Variants in GRM4 observed in about 807,000 individuals in gnomAD.
GRM4 encodes metabotropic glutamate receptor 4.
Under a neutral mutation model 81.7 loss-of-function variants are expected in GRM4, and 28 were observed. That is an observed-to-expected ratio of 0.34 (90% CI 0.25 to 0.47). The LOEUF (loss-of-function observed/expected upper bound fraction) is 0.47, where lower values mean the gene tolerates loss of function less well. Among genes scored for constraint, GRM4 ranks in the 20% least tolerant of loss-of-function variants. The probability of loss-of-function intolerance (pLI) is 1.00; values close to 1 mark genes in which losing one functional copy is unlikely to be tolerated. For missense variants in GRM4, 948 were observed against 1,290.0 expected (o/e 0.73, Z 4.06); for synonymous variants, 488 against 528.8 (o/e 0.92, Z 1.06).
chr6:34,064,075 A>G lies in GRM4; in HGVS notation c.737-2047T>C, dbSNP rs927531916. Among the ~76,000 whole-genome samples the G allele has an allele frequency of 1.3e-5, 2 of 152,178 alleles. No individual in the cohort carries two copies. The highest frequency in any genetic ancestry group is 4.8e-5 in the African/African-American group (2 of 41,434). ...GCAAGCTTCGTTTTGCTGGTGAAGGAAGGATTAGGTGACCACGGCTCAGTC... is the reference window on the plus strand; with the variant it reads ...GCAAGCTTCGTTTTGCTGGTGAAGGGAGGATTAGGTGACCACGGCTCAGTC... On this transcript the variant is annotated intron_variant, in intron 3 of 10. Coordinates refer to ENST00000538487, the MANE Select transcript of GRM4 (RefSeq NM_000841.4). This position sits in a 1 kb window ranked among gnomAD's most constrained non-coding sequence, Gnocchi z 4.4.
chr6:34,049,329 CTCTT>C (rs1201624212), intron 6 of GRM4, among the ~76,000 whole-genome samples: 1 of 152,138 alleles, frequency 6.6e-6, no homozygotes, highest in Non-Finnish European at 1.5e-5. Flanking sequence ...CTCCAGTCCT[CTCTT>C]TATCGCCGCC....
In GRM4 at chr6:34,035,818, C is replaced by G; in HGVS notation, c.2292G>C (p.Met764Ile). Reference protein sequence around the residue: ...ICLLGYSMLLMVTCTVYAIKT... With the variant: ...ICLLGYSMLLIVTCTVYAIKT... The stretch of plus-strand genomic sequence containing the variant: ...TGATGGCATACACGGTGCACGTGAC[C>G]ATGAGCAGCATGCTGTAGCCCAGCA... Residue 764 changes from methionine to isoleucine, a missense_variant, in exon 9 of 11, where the codon ATG becomes ATC. By Grantham distance (10) the Met-to-Ile change is conservative. Transcript: ENST00000538487. This position sits in a 1 kb window ranked among gnomAD's most constrained non-coding sequence, Gnocchi z 6.6. 1 of 1,613,748 alleles carries G rather than the reference C, an allele frequency of 6.2e-7. No homozygotes were observed. The highest frequency in any genetic ancestry group is 8.5e-7 in the Non-Finnish European group (1 of 1,179,646).
chr6:34,104,876 T>A (rs1006740589), intron 2 of GRM4, among the ~76,000 whole-genome samples: 13 of 152,084 alleles, frequency 8.5e-5, no homozygotes, highest in African/African-American at 2.9e-4. Flanking sequence ...AAAAGCCCGT[T>A]CTGCAAAAGC....
chr6:34,087,234 C>T (rs1767939076), intron 3 of GRM4, among the ~76,000 whole-genome samples: 1 of 151,382 alleles, frequency 6.6e-6, no homozygotes, highest in African/African-American at 2.4e-5. Context: ...ACCGGGCCAA[C>T]ATTGTGAAAC....
Position 34,111,674 on chromosome 6 carries a change from G to A in GRM4, c.520-19575C>T, listed in dbSNP as rs910051535. On this transcript the variant is annotated intron_variant, in intron 2 of 10. Transcript: ENST00000538487. This position sits in a 1 kb window ranked among gnomAD's most constrained non-coding sequence, Gnocchi z 5.1. ...GGGGCAAAGCTCAAGGTGGGCAAGA[G>A]CTGATGGGCTGGGTGGGGGTCAGAA... Among the ~76,000 whole-genome samples, 3 of 152,260 alleles carry A rather than the reference G, an allele frequency of 2.0e-5. No individual in the cohort carries two copies. Among genetic ancestry groups the A allele is most frequent in the Non-Finnish European group, 4.4e-5 (3 of 68,048 alleles).
chr6:34,134,420 G>T (rs1051167777), intron 1 of GRM4, among the ~76,000 whole-genome samples: 5 of 152,124 alleles, frequency 3.3e-5, no homozygotes, highest in Admixed American at 2.6e-4. Context: ...CACAAATAAG[G>T]CCCCCTCAAG....
intron 10 of GRM4, among the ~76,000 whole-genome samples, chr6:34,025,888 AAGGAC>A (rs1208737395): frequency 6.6e-6 from 1 of 152,214 alleles, no homozygotes; most frequent in Admixed American, 6.5e-5. Context: ...TGCTGGGCAG[AAGGAC>A]AGGGCTGGAA....
rs1038017715 is a variant in GRM4, at chr6:34,111,279, G to A, written c.520-19180C>T. Among the ~76,000 whole-genome samples, 1 of 151,896 alleles carries A rather than the reference G, an allele frequency of 6.6e-6. No individual in the cohort carries two copies. Among genetic ancestry groups the A allele is most frequent in the Non-Finnish European group, 1.5e-5 (1 of 67,970 alleles). ...ACCCCACACACATTCAAGAGCAGCA[G>A]CTCACACAGGTGTGCCCACACACAT... On this transcript the variant is annotated intron_variant, in intron 2 of 10. Transcript: ENST00000538487. The surrounding 1 kb of genome is among the most constrained non-coding windows in gnomAD (Gnocchi z 5.1).
chr6:34,101,228 T>A (rs1581697257), intron 2 of GRM4, among the ~76,000 whole-genome samples: 1 of 152,196 alleles, frequency 6.6e-6, no homozygotes, highest in Non-Finnish European at 1.5e-5. Flanking sequence ...GCTTACTATG[T>A]GCCAAGAACT....
chr6:34,129,020 A>AT (rs5875491), intron 2 of GRM4, among the ~76,000 whole-genome samples: 63,997 of 147,954 alleles, frequency 0.43, 15,593 homozygotes, highest in Non-Finnish European at 0.55. Flanking sequence ...AGGAAAAGGT[A>AT]TTTTTTTTTT....
intron 2 of GRM4, among the ~76,000 whole-genome samples, chr6:34,129,298 A>G (rs1770147454): frequency 2.0e-5 from 3 of 152,194 alleles, no homozygotes; most frequent in Admixed American, 2.0e-4. Flanking sequence ...TACAGGTGTG[A>G]GCCACTGCGC....
At chr6:34,148,062 C>A (rs567393801), upstream of GRM4, among the ~76,000 whole-genome samples, 1 of 136,352 alleles carries the variant, frequency 7.3e-6, no homozygotes, top group African/African-American at 2.7e-5. Context: ...CCGCCCCCCA[C>A]CAGCTGTGTC....
At position 34,035,684 on chromosome 6, in the gene GRM4, G is replaced by A. The variant is rs1272825516; in HGVS notation, c.2426C>T (p.Ser809Leu). 7 of 1,579,602 alleles carry A rather than the reference G, an allele frequency of 4.4e-6. No individual in the cohort carries two copies. In the South Asian group the frequency reaches 5.7e-5, roughly 13 times the overall value. ...LAFIPIFFGT[S>L]QSADKLYIQT... ...ACCACTCACCTTGTCGGCCGACTGC[G>A]AGGTGCCAAAGAAGATGGGGATGAA... Residue 809 changes from serine (S) to leucine (L), a missense_variant, in exon 9 of 11, where the codon TCG becomes TTG. By Grantham distance (145) the Ser-to-Leu change is moderately radical (BLOSUM62 -2). Coordinates refer to ENST00000538487, the MANE Select transcript of GRM4 (RefSeq NM_000841.4). The surrounding 1 kb of genome is among the most constrained non-coding windows in gnomAD (Gnocchi z 6.6).
At position 34,091,883 on chromosome 6, in the gene GRM4, C is replaced by T. The variant is rs771657557; in HGVS notation, c.736G>A (p.Gly246Arg). 6.2e-7 allele frequency: 1 copy of T among 1,608,650 alleles called. No homozygotes were observed. Among genetic ancestry groups the T allele is most frequent in the Non-Finnish European group, 8.5e-7 (1 of 1,175,814 alleles). ...EAFIQKSRED[G>R]GVCIAQSVKI... ...CTCTGCGGCCAGGCGTTTGACTCAC[C>T]GTCCTCACGGGACTTCTGGATGAAG... The change falls in exon 3 of 11, where the codon GGG (glycine) becomes AGG (arginine). Residue 246 changes from glycine (G) to arginine (R), a missense_variant and splice_region_variant. Coordinates refer to ENST00000538487, the MANE Select transcript of GRM4 (RefSeq NM_000841.4).
chr6:34,115,922 C>T lies in GRM4; in HGVS notation c.519+17056G>A, dbSNP rs570475446. On this transcript the variant is annotated intron_variant, in intron 2 of 10. Transcript: ENST00000538487. The surrounding 1 kb of genome is among the most constrained non-coding windows in gnomAD (Gnocchi z 4.1). The stretch of plus-strand genomic sequence containing the variant: ...CTTTGAAAAGGTAAAAATGAGGTAC[C>T]GATGTTGGCCGCACCAGAAGAGGGC... 5.9e-5 allele frequency among the ~76,000 whole-genome samples: 9 copies of T among 152,294 alleles called. No individual in the cohort carries two copies. The South Asian group carries it at 1.2e-3, about 21-fold the overall frequency.
chr6:34,127,631 A>G (rs1265497899), intron 2 of GRM4, among the ~76,000 whole-genome samples: 1 of 152,172 alleles, frequency 6.6e-6, no homozygotes, highest in Non-Finnish European at 1.5e-5. Context: ...ATTTGGAGGC[A>G]GGGAGAGGAA....
At position 34,048,412 on chromosome 6, in the gene GRM4, C is replaced by T. The variant is rs1268548445; in HGVS notation, c.1169-7664G>A. On this transcript the variant is annotated intron_variant, in intron 6 of 10. Transcript: ENST00000538487. The surrounding 1 kb of genome is among the most constrained non-coding windows in gnomAD (Gnocchi z 4.0). ...GCCTGGTTCTGAGGCCAACACACCT[C>T]GGCTGAGGAGCTGGGGCTCAGCTCT... 1.4e-5 allele frequency among the ~76,000 whole-genome samples: 2 copies of T among 144,180 alleles called. No homozygotes were observed. Among genetic ancestry groups the T allele is most frequent in the Non-Finnish European group, 3.1e-5 (2 of 65,540 alleles). The allele number at this position is 144,180 out of a possible 152,430, so 94.6% of individuals were successfully genotyped here.
chr6:34,044,195 C>T (rs796912420), intron 6 of GRM4, among the ~76,000 whole-genome samples: 1 of 147,912 alleles, frequency 6.8e-6, no homozygotes, highest in Non-Finnish European at 1.5e-5. Context: ...CATATATACA[C>T]ACACATATAT....
intron 1 of GRM4, among the ~76,000 whole-genome samples, chr6:34,140,023 A>G (rs1412531105): frequency 6.6e-6 from 1 of 152,178 alleles, no homozygotes; most frequent in Non-Finnish European, 1.5e-5. Flanking sequence ...ATACCTGAAC[A>G]TATAGATGGC....
Sources: gnomAD v4.1 joint callset for allele counts (sites outside exome capture counted in the v4.1 genomes callset) on GRCh38, gnomAD v4.1.1 for gene constraint, Gnocchi (gnomAD v3.1) non-coding constraint, MANE v1.5 for transcripts, NCBI Gene and HGNC (gene_info 2026-07-23, HGNC 2026-07-21) for gene names.